ANXA8: variants seen among roughly 807,000 people sequenced by gnomAD.
The protein encoded by ANXA8 is annexin A8.
Under a neutral mutation model 26.8 loss-of-function variants are expected in ANXA8, and 9 were observed. The observed-to-expected ratio is 0.34, with a 90% CI of 0.20 to 0.59. ANXA8 has a LOEUF of 0.59. ANXA8 is among the 20% of genes least tolerant of loss of function. The pLI, the probability that ANXA8 is intolerant of heterozygous loss-of-function variation, is 0.84. For synonymous variants in ANXA8, 39 were observed against 94.8 expected, an observed-to-expected ratio of 0.41 and a Z score of 3.42; for missense variants, 83 against 238.5, an observed-to-expected ratio of 0.35 and a Z score of 4.29.
the ANXA8 span, among the ~76,000 whole-genome samples, chr10:47,575,198 CAAA>C: frequency 6.8e-4 from 73 of 107,184 alleles, no homozygotes; most frequent in Middle Eastern, 9.4e-3. Context: ...GAGTGAAACT[CAAA>C]AAAAAAAAAA....
At chr10:47,976,437 G>A in the ANXA8 span, among the ~76,000 whole-genome samples, 2 of 151,564 alleles carry the variant, frequency 1.3e-5, no homozygotes, top group African/African-American at 4.8e-5. Context: ...GCTAGGCATG[G>A]TGGCTCACTC....
the ANXA8 span, among the ~76,000 whole-genome samples, chr10:47,558,671 C>T: frequency 6.6e-6 from 1 of 151,632 alleles, no homozygotes; most frequent in Non-Finnish European, 1.5e-5. Context: ...CAGGCATGAG[C>T]CACCATGCCT....
At chr10:47,948,435 AAATACAAGGGCC>A in the ANXA8 span, among the ~76,000 whole-genome samples, 16 of 123,946 alleles carry the variant, frequency 1.3e-4, no homozygotes, top group Admixed American at 2.6e-4. Flanking sequence ...ATTAAAAAGG[AAATACAAGGGCC>A]AAAAATAAAA....
chr10:47,568,073 C>T, the ANXA8 span: 20 of 508,256 alleles, frequency 3.9e-5, no homozygotes, highest in Admixed American at 2.2e-4. Flanking sequence ...CTTGCTCTGT[C>T]GCCCAGGCTG....
At chr10:47,501,095 G>A in the ANXA8 span, among the ~76,000 whole-genome samples, 1 of 144,674 alleles carries the variant, frequency 6.9e-6, no homozygotes, top group Non-Finnish European at 1.5e-5. Flanking sequence ...GCAGAGATGG[G>A]GTTTCACCAT....
the ANXA8 span, among the ~76,000 whole-genome samples, chr10:47,694,981 G>A: frequency 2.0e-5 from 3 of 151,722 alleles, no homozygotes; most frequent in South Asian, 2.1e-4. Context: ...AGGCCAGGGC[G>A]GGCTACCCAT....
the ANXA8 span, among the ~76,000 whole-genome samples, chr10:47,942,719 C>T: frequency 1.6e-4 from 23 of 142,606 alleles, 2 homozygotes; most frequent in Middle Eastern, 3.6e-3. Context: ...TCTGTCTGAA[C>T]GGTCTGTTAT....
At chr10:47,971,014 G>C in the ANXA8 span, among the ~76,000 whole-genome samples, 1 of 151,382 alleles carries the variant, frequency 6.6e-6, no homozygotes, top group Admixed American at 6.6e-5. Context: ...GTGGAATCCT[G>C]GCTCTGCCAC....
chr10:47,586,263 C>A, the ANXA8 span, among the ~76,000 whole-genome samples: 1 of 144,730 alleles, frequency 6.9e-6, no homozygotes. Flanking sequence ...GTCAGATAAC[C>A]TTGGCCTGTG....
At chr10:47,581,707 T>C in the ANXA8 span, 1 of 272,764 alleles carries the variant, frequency 3.7e-6, no homozygotes, top group Non-Finnish European at 7.2e-6. Context: ...CCTGGGTTCA[T>C]GCCATTCTCC....
At chr10:47,717,893 G>A in the ANXA8 span, among the ~76,000 whole-genome samples, 1 of 151,772 alleles carries the variant, frequency 6.6e-6, no homozygotes, top group Non-Finnish European at 1.5e-5. Context: ...AGCTACTTGG[G>A]AGGCTGAGGC....
At chr10:47,687,721 T>G in the ANXA8 span, among the ~76,000 whole-genome samples, 3 of 151,918 alleles carry the variant, frequency 2.0e-5, no homozygotes, top group Non-Finnish European at 4.4e-5. Context: ...AGTTATTCCT[T>G]ATGAAGGTTA....
At chr10:47,733,219 T>TTCTTTCTCTCTCTCTCTCTCTC in the ANXA8 span, among the ~76,000 whole-genome samples, 1 of 68,044 alleles carries the variant, frequency 1.5e-5, no homozygotes, top group African/African-American at 5.7e-5. Context: ...CTTTCTTTCT[T>TTCTTTCTCTCTCTCTCTCTCTC]TCTCTTTCTT....
the ANXA8 span, among the ~76,000 whole-genome samples, chr10:47,736,663 CT>C: frequency 1.1e-4 from 16 of 149,166 alleles, no homozygotes; most frequent in South Asian, 1.9e-3. Context: ...TTTTCTTTTT[CT>C]TTTTTTTTGA....
chr10:47,570,334 T>G, the ANXA8 span, among the ~76,000 whole-genome samples: 1 of 57,330 alleles, frequency 1.7e-5, no homozygotes, highest in African/African-American at 5.2e-5. Context: ...AATAGAATGT[T>G]AATAGTTACT....
At chr10:47,689,589 G>A in the ANXA8 span, 1 of 508,120 alleles carries the variant, frequency 2.0e-6, no homozygotes, top group Admixed American at 3.7e-5. Context: ...AATCACCTAT[G>A]TTAATTATGT....
the ANXA8 span, among the ~76,000 whole-genome samples, chr10:47,535,469 C>G: frequency 2.2e-5 from 3 of 135,930 alleles, no homozygotes; most frequent in East Asian, 4.7e-4. Flanking sequence ...TATGCTCATT[C>G]ATGAATATTT....
the ANXA8 span, among the ~76,000 whole-genome samples, chr10:47,685,473 C>A: frequency 4.6e-5 from 7 of 151,832 alleles, no homozygotes; most frequent in Non-Finnish European, 8.8e-5. Context: ...TTCGTGTCAT[C>A]CCTTTATGCT....
At chr10:47,899,904 G>A in the ANXA8 span, among the ~76,000 whole-genome samples, 2 of 150,532 alleles carry the variant, frequency 1.3e-5, no homozygotes, top group African/African-American at 4.9e-5. Flanking sequence ...TAGAGATCTG[G>A]ACATTTTTAT....
Sources: allele counts gnomAD v4.1 joint callset (sites outside exome capture counted in the v4.1 genomes callset), GRCh38; gene constraint gnomAD v4.1.1; transcripts MANE v1.5; gene names NCBI Gene and HGNC (gene_info 2026-07-23, HGNC 2026-07-21).